INTS7: variants seen among roughly 807,000 people sequenced by gnomAD.
INTS7 encodes the protein integrator complex subunit 7, also known as chromosome 1 open reading frame 73.
A neutral mutation model predicts 109.2 loss-of-function variants in INTS7; 46 were observed. That is an observed-to-expected ratio of 0.42 (90% CI 0.33 to 0.54). The LOEUF (loss-of-function observed/expected upper bound fraction) is 0.54, where lower values mean the gene tolerates loss of function less well. Among genes scored for constraint, INTS7 ranks in the 20% least tolerant of loss-of-function variants. The pLI is 0.07. For synonymous variants in INTS7, 412 were observed against 402.9 expected (o/e 1.02, Z -0.27); for missense variants, 929 against 1,132.4 (o/e 0.82, Z 2.58).
In INTS7 at chr1:211,968,711, GGA is replaced by G; in HGVS notation, c.1816-6_1816-5del. On this transcript the variant is annotated splice_polypyrimidine_tract_variant and splice_region_variant and intron_variant, in intron 13 of 19. Transcript: ENST00000366994. The stretch of plus-strand genomic sequence containing the variant: ...GATTCAGTGGTGTACTAGCTGCCTG[GGA>G]AAAAAAAAAAAAAGAGATATTTAAG... 1.3e-6 allele frequency: 2 copies of G among 1,534,804 alleles called. No individual in the cohort carries two copies. The highest frequency in any genetic ancestry group is 8.8e-7 in the Non-Finnish European group (1 of 1,142,114).
At chr1:211,944,715 C>A in intron 19 of INTS7, 69 bp downstream of exon 19, 1 of 1,291,574 alleles carries the variant, frequency 7.7e-7, no homozygotes, top group Non-Finnish European at 1.1e-6. Flanking sequence ...CCATGAAAAA[C>A]ACTGGAAAAC....
intron 16 of INTS7, among the ~76,000 whole-genome samples, chr1:211,953,900 C>A (rs1663235568): frequency 6.6e-6 from 1 of 151,942 alleles, no homozygotes; most frequent in East Asian, 1.9e-4. Context: ...ATTTATAATC[C>A]TTAGGTATAT....
At chr1:211,957,414 C>T (rs979070260) in intron 16 of INTS7, among the ~76,000 whole-genome samples, 30 of 151,962 alleles carry the variant, frequency 2.0e-4, no homozygotes, top group African/African-American at 7.0e-4. Context: ...GGCATGGTGA[C>T]GCATGTCTGT....
At chr1:212,032,154 A>G (rs1429863309) in intron 1 of INTS7, among the ~76,000 whole-genome samples, 1 of 152,234 alleles carries the variant, frequency 6.6e-6, no homozygotes, top group Non-Finnish European at 1.5e-5. Flanking sequence ...CTAATCCATT[A>G]GCAAATCTTC....
In INTS7 at chr1:211,978,344, C is replaced by A; in HGVS notation, c.1398G>T (p.Gly466=). The change falls in exon 11 of 20, where the codon GGG becomes GGT. Residue 466 remains glycine, a synonymous_variant. Transcript: ENST00000366994. ...IAMQLPVLGD[G]MLGDLMELYK... ...ACAGCTCCATGAGGTCACCAAGCATCCCATCACCCAGCACCGGCAGTTGCA... is the reference window on the plus strand; with the variant it reads ...ACAGCTCCATGAGGTCACCAAGCATACCATCACCCAGCACCGGCAGTTGCA... 6.2e-7 allele frequency: 1 copy of A among 1,614,190 alleles called. No homozygotes were observed.
At chr1:211,962,198 A>C (rs1211253335) in intron 16 of INTS7, among the ~76,000 whole-genome samples, 1 of 152,026 alleles carries the variant, frequency 6.6e-6, no homozygotes. Context: ...CAAATGAAAA[A>C]TAGAAAAAAG....
At chr1:211,965,759 T>TA (rs1663847315) in intron 16 of INTS7, among the ~76,000 whole-genome samples, 2 of 151,860 alleles carry the variant, frequency 1.3e-5, no homozygotes, top group African/African-American at 4.8e-5. Context: ...TATGGAAACA[T>TA]AGAGGGGAAC....
chr1:212,023,087 TC>T (rs1666776525), intron 1 of INTS7, among the ~76,000 whole-genome samples: 1 of 152,218 alleles, frequency 6.6e-6, no homozygotes, highest in African/African-American at 2.4e-5. Context: ...ATGTTTTCAT[TC>T]TTTTTTATGG....
intron 7 of INTS7, among the ~76,000 whole-genome samples, chr1:211,997,092 G>C (rs1665431139): frequency 6.6e-6 from 1 of 152,056 alleles, no homozygotes; most frequent in Non-Finnish European, 1.5e-5. Context: ...ATTGGGTACA[G>C]TGTATAGTGC....
At chr1:211,947,092 G>A (rs1662879036) in intron 17 of INTS7, among the ~76,000 whole-genome samples, 1 of 152,186 alleles carries the variant, frequency 6.6e-6, no homozygotes, top group Non-Finnish European at 1.5e-5. Flanking sequence ...AGAAGCCCGA[G>A]CATTTTGCAG....
intron 7 of INTS7, among the ~76,000 whole-genome samples, chr1:211,988,750 TATGA>T (rs1665015776): frequency 6.6e-6 from 1 of 152,210 alleles, no homozygotes; most frequent in African/African-American, 2.4e-5. Flanking sequence ...TTAGGAGAGA[TATGA>T]ATATTATTTC....
At chr1:212,020,497 G>C (rs1268288085) in intron 2 of INTS7, among the ~76,000 whole-genome samples, 2 of 152,070 alleles carry the variant, frequency 1.3e-5, no homozygotes, top group African/African-American at 4.8e-5. Context: ...AGTGACACAA[G>C]GAGAAGACCT....
chr1:212,020,195 C>A lies in INTS7; in HGVS notation c.298G>T (p.Val100Leu). 6.2e-7 allele frequency: 1 copy of A among 1,606,894 alleles called. No homozygotes were observed. ...SEKHLEKILN[V>L]DEFVKRIFSV... Reference sequence around the variant, plus strand: ...AAAATTCTCTTCACAAATTCATCCACATTTAGAATCTTCTCCAAATGTTTC... The same window carrying A: ...AAAATTCTCTTCACAAATTCATCCAAATTTAGAATCTTCTCCAAATGTTTC... Residue 100 changes from valine (V) to leucine (L), a missense_variant, in exon 3 of 20, where the codon GTG (valine) becomes TTG (leucine). Val to Leu is a conservative substitution (Grantham distance 32). Transcript: ENST00000366994.
At chr1:211,962,417 T>G (rs1207547324) in intron 16 of INTS7, among the ~76,000 whole-genome samples, 1 of 152,024 alleles carries the variant, frequency 6.6e-6, no homozygotes, top group Non-Finnish European at 1.5e-5. Flanking sequence ...AGACTTAGAC[T>G]CCCACACAAT....
In INTS7 at chr1:211,944,963, G is replaced by C; in HGVS notation, c.2422C>G (p.Leu808Val). Residue 808 changes from leucine to valine, a missense_variant, in exon 19 of 20, where the codon CTG becomes GTG. Leu to Val is a conservative substitution (Grantham distance 32, BLOSUM62 1). Transcript: ENST00000366994. The part of the protein sequence containing the change: ...KLQSTSIKLA[L>V]SPSPRNPAEP... ...GCAGGATTCCGGGGCGATGGTGACA[G>C]AGCAAGCTGGAATGCCAACACTCAA... 1.2e-6 allele frequency: 2 copies of C among 1,612,174 alleles called. No homozygotes were observed. Among genetic ancestry groups the C allele is most frequent in the Non-Finnish European group, 1.7e-6 (2 of 1,179,300 alleles).
At chr1:212,017,563 C>G (rs1558056256) in intron 3 of INTS7, among the ~76,000 whole-genome samples, 1 of 152,176 alleles carries the variant, frequency 6.6e-6, no homozygotes, top group Non-Finnish European at 1.5e-5. Context: ...GAAGGTAAAG[C>G]TTGGAAAACA....
At chr1:212,016,515 C>A (rs1326544488) in intron 4 of INTS7, among the ~76,000 whole-genome samples, 1 of 152,128 alleles carries the variant, frequency 6.6e-6, no homozygotes, top group Non-Finnish European at 1.5e-5. Flanking sequence ...AGCTCTAATG[C>A]AAAACAAATT....
intron 17 of INTS7, among the ~76,000 whole-genome samples, chr1:211,949,717 T>C (rs1168395276): frequency 2.0e-5 from 3 of 152,182 alleles, no homozygotes; most frequent in Non-Finnish European, 4.4e-5. Context: ...CCATTTACAA[T>C]TTCTAAGAAG....
At chr1:211,989,538 C>T (rs1197632932) in intron 7 of INTS7, among the ~76,000 whole-genome samples, 3 of 152,036 alleles carry the variant, frequency 2.0e-5, no homozygotes, top group African/African-American at 7.2e-5. Flanking sequence ...ATAAAAAGTT[C>T]TGGCTGGGCA....
Sources: allele counts gnomAD v4.1 joint callset (sites outside exome capture counted in the v4.1 genomes callset), GRCh38; gene constraint gnomAD v4.1.1; transcripts MANE v1.5; gene names NCBI Gene and HGNC (gene_info 2026-07-23, HGNC 2026-07-21).